IQGAP1: variants seen among roughly 807,000 people sequenced by gnomAD.
The protein encoded by IQGAP1 is ras GTPase-activating-like protein IQGAP1.
Under a neutral mutation model 215.6 loss-of-function variants are expected in IQGAP1, and 66 were observed. That is an observed-to-expected ratio of 0.31 (90% CI 0.25 to 0.38). The LOEUF (loss-of-function observed/expected upper bound fraction) is 0.38. IQGAP1 is among the 10% of genes least tolerant of loss of function. The probability of loss-of-function intolerance (pLI) is 1.00; values close to 1 mark genes in which losing one functional copy is unlikely to be tolerated. For missense variants in IQGAP1, 1,712 were observed against 1,997.1 expected (o/e 0.86, Z 2.72); for synonymous variants, 772 against 728.7 (o/e 1.06, Z -0.96).
intron 2 of IQGAP1, among the ~76,000 whole-genome samples, chr15:90,418,116 C>T (rs2151010435): frequency 6.6e-6 from 1 of 152,218 alleles, no homozygotes; most frequent in Middle Eastern, 3.4e-3. Flanking sequence ...AAGGTGCTGA[C>T]TGGTATTCAG....
chr15:90,491,566 A>G (rs1470116079), intron 34 of IQGAP1, 21 bp downstream of exon 34: 1 of 1,600,014 alleles, frequency 6.2e-7, no homozygotes, highest in African/African-American at 1.3e-5. Context: ...CGGGGGACAG[A>G]GGGGACCCGG....
chr15:90,392,622 CT>C (rs1268150204), intron 2 of IQGAP1, among the ~76,000 whole-genome samples: 1 of 152,164 alleles, frequency 6.6e-6, no homozygotes, highest in Non-Finnish European at 1.5e-5. Context: ...AACACCTCCC[CT>C]CCCCCAAACA....
intron 17 of IQGAP1, 63 bp downstream of exon 17, chr15:90,466,499 T>A: frequency 6.7e-7 from 1 of 1,482,850 alleles, no homozygotes; most frequent in South Asian, 1.1e-5. Flanking sequence ...AGGGGACAGA[T>A]GTAGAGGAAA....
intron 3 of IQGAP1, among the ~76,000 whole-genome samples, chr15:90,429,154 G>A (rs1965268202): frequency 6.6e-6 from 1 of 152,050 alleles, no homozygotes; most frequent in African/African-American, 2.4e-5. Context: ...TCCCAGCGTG[G>A]TATTTTTATA....
At chr15:90,495,726 C>T (rs1331523288) in intron 36 of IQGAP1, among the ~76,000 whole-genome samples, 1 of 149,442 alleles carries the variant, frequency 6.7e-6, no homozygotes, top group Non-Finnish European at 1.5e-5. Context: ...CAGCCTTGGC[C>T]TCCCAGGTTC....
chr15:90,444,930 C>T (rs933576813), intron 9 of IQGAP1, among the ~76,000 whole-genome samples: 1 of 152,150 alleles, frequency 6.6e-6, no homozygotes, highest in African/African-American at 2.4e-5. Flanking sequence ...TGAGACCAGC[C>T]TGGGCAATGT....
At chr15:90,412,464 C>T (rs1338429047) in intron 2 of IQGAP1, among the ~76,000 whole-genome samples, 1 of 152,166 alleles carries the variant, frequency 6.6e-6, no homozygotes, top group Non-Finnish European at 1.5e-5. Flanking sequence ...TTCCAAGGGT[C>T]TGCACATTCT....
chr15:90,423,883 A>G (rs1430025020), intron 2 of IQGAP1, among the ~76,000 whole-genome samples: 5 of 152,106 alleles, frequency 3.3e-5, no homozygotes, highest in Non-Finnish European at 7.4e-5. Flanking sequence ...CTCTCCTTTT[A>G]TTTTTGTCTA....
Position 90,486,042 on chromosome 15 carries a change from C to G in IQGAP1, c.3934C>G (p.His1312Asp), listed in dbSNP as rs1427630136. Residue 1312 changes from histidine (H) to aspartate (D), a missense_variant, in exon 31 of 38, where the codon CAC becomes GAC. By Grantham distance (81) the His-to-Asp change is moderately conservative (BLOSUM62 -1). Around this residue, in one of 2 missense-constraint regions of IQGAP1, gnomAD observed 691 missense variants for 923.0 expected, o/e 0.75. Transcript: ENST00000268182. ...IINTHTLLLDHQDAIAPEHND... is the reference protein window; with the variant it reads ...IINTHTLLLDDQDAIAPEHND... Reference sequence around the variant, plus strand: ...TTGGTGTTTGCAGCTCCTGTTGGATCACCAGGATGCCATTGCTCCGGAGCA... The same window carrying G: ...TTGGTGTTTGCAGCTCCTGTTGGATGACCAGGATGCCATTGCTCCGGAGCA... 1 of 1,613,584 alleles carries G rather than the reference C, an allele frequency of 6.2e-7. No individual in the cohort carries two copies. The highest frequency in any genetic ancestry group is 1.1e-5 in the South Asian group (1 of 90,956).
At position 90,426,185 on chromosome 15, in the gene IQGAP1, C is replaced by T; in HGVS notation, c.231C>T (p.Tyr77=). 3.7e-6 allele frequency: 6 copies of T among 1,601,122 alleles called. No individual in the cohort carries two copies. Among genetic ancestry groups the T allele is most frequent in the Non-Finnish European group, 5.1e-6 (6 of 1,175,610 alleles). The part of the protein sequence containing the change: ...ELEEGLRNGV[Y]LAKLGNFFSP... ...AGGAGGGGCTTAGGAATGGGGTCTA[C>T]CTTGCCAAACTGGGGAACTTCTTCT... is the stretch of plus-strand genomic sequence containing the variant. Residue 77 remains tyrosine, a synonymous_variant, in exon 3 of 38, where the codon TAC becomes TAT. Transcript: ENST00000268182.
intron 15 of IQGAP1, among the ~76,000 whole-genome samples, 185 bp from the exon 16 acceptor site, chr15:90,465,816 C>T: frequency 6.6e-6 from 1 of 152,168 alleles, no homozygotes; most frequent in East Asian, 1.9e-4. Context: ...AGGTGTGAGT[C>T]ACTGCATCCA....
At chr15:90,436,766 G>C (rs1387928750) in intron 5 of IQGAP1, among the ~76,000 whole-genome samples, 2 of 152,216 alleles carry the variant, frequency 1.3e-5, no homozygotes, top group Non-Finnish European at 2.9e-5. Flanking sequence ...TTGATTGTGG[G>C]TAAGAGGACT....
chr15:90,401,939 C>T (rs1964810524), intron 2 of IQGAP1, among the ~76,000 whole-genome samples: 1 of 152,168 alleles, frequency 6.6e-6, no homozygotes, highest in Non-Finnish European at 1.5e-5. Flanking sequence ...GAGTTGATAA[C>T]ACTTTTCCCA....
chr15:90,494,367 T>C (rs1966245420), intron 35 of IQGAP1: 1 of 160,844 alleles, frequency 6.2e-6, no homozygotes, highest in Admixed American at 6.4e-5. Flanking sequence ...CCTTCACTCC[T>C]GGGATTCAGT....
chr15:90,420,545 GT>G (rs1661263850), intron 2 of IQGAP1, among the ~76,000 whole-genome samples: 1 of 152,216 alleles, frequency 6.6e-6, no homozygotes, highest in Admixed American at 6.5e-5. Context: ...TGGCTGAGAT[GT>G]TTTGGGAACA....
chr15:90,423,108 C>G (rs1965171335), intron 2 of IQGAP1, among the ~76,000 whole-genome samples: 1 of 152,118 alleles, frequency 6.6e-6, no homozygotes, highest in African/African-American at 2.4e-5. Flanking sequence ...AAGGGGAAAT[C>G]TCATGTGAGC....
intron 11 of IQGAP1, among the ~76,000 whole-genome samples, chr15:90,451,536 G>A (rs1965604079): frequency 1.3e-5 from 2 of 152,056 alleles, no homozygotes. Context: ...ATGGCACAAA[G>A]CCGTTGATGA....
intron 2 of IQGAP1, among the ~76,000 whole-genome samples, chr15:90,410,222 C>T (rs1354467636): frequency 6.6e-6 from 1 of 152,154 alleles, no homozygotes; most frequent in Non-Finnish European, 1.5e-5. Flanking sequence ...AGTCCTTGCC[C>T]ATGCCTATGT....
chr15:90,388,766 C>T (rs1395752681), intron 1 of IQGAP1, among the ~76,000 whole-genome samples: 3 of 152,192 alleles, frequency 2.0e-5, no homozygotes, highest in Non-Finnish European at 4.4e-5. Flanking sequence ...TACGCGGGCT[C>T]TGCCCGTTTC....
Sources: allele counts gnomAD v4.1 joint callset (sites outside exome capture counted in the v4.1 genomes callset), GRCh38; gene constraint gnomAD v4.1.1; regional missense constraint gnomAD v4.1.1; transcripts MANE v1.5; gene names NCBI Gene and HGNC (gene_info 2026-07-23, HGNC 2026-07-21).